PEDS1: variants seen among roughly 807,000 people sequenced by gnomAD.
The protein encoded by PEDS1 is plasmanylethanolamine desaturase 1, also known as CarF homolog.
Under a neutral mutation model 35.2 loss-of-function variants are expected in PEDS1, and 14 were observed. The ratio of observed to expected loss-of-function variants is 0.40; its 90% confidence interval spans 0.26 to 0.62. The LOEUF is 0.62. PEDS1 is among the 20% of genes least tolerant of loss of function. The pLI, the probability that PEDS1 is intolerant of heterozygous loss-of-function variation, is 0.44. For missense variants in PEDS1, 260 were observed against 367.8 expected (o/e 0.71, Z 2.40); for synonymous variants, 152 against 152.0 (o/e 1.00, Z 0.00).
rs745557328 is a variant in PEDS1, at chr20:50,128,624, C to G, written c.479-437G>C. ...TTGTGCATGTGATTTATCAAGGGAG[C>G]CTCTTCAGGAAAAAACCTCGAAGGG... On this transcript the variant is annotated intron_variant, in intron 4 of 5. Coordinates refer to ENST00000371652, the MANE Select transcript of PEDS1 (RefSeq NM_199129.4). This position sits in a 1 kb window ranked among gnomAD's most constrained non-coding sequence, Gnocchi z 5.2. Among the ~76,000 whole-genome samples, 2 of 152,082 alleles carry G rather than the reference C, an allele frequency of 1.3e-5. No individual in the cohort carries two copies. Among genetic ancestry groups the G allele is most frequent in the Non-Finnish European group, 2.9e-5 (2 of 68,016 alleles).
At position 50,141,295 on chromosome 20, in the gene PEDS1, C is replaced by T. The variant is rs561825924; in HGVS notation, c.241+2207G>A. ...TCTCAGATGGTGATGGGAACCTCCT[C>T]ACTAGGGTAGCACAAAGAGTGAAAA... On this transcript the variant is annotated intron_variant, in intron 2 of 5. Transcript: ENST00000371652. 2.0e-5 allele frequency among the ~76,000 whole-genome samples: 3 copies of T among 152,378 alleles called. No homozygotes were observed. The East Asian group carries it at 5.8e-4, about 29-fold the overall frequency.
chr20:50,150,335 T>A (rs377132469), intron 1 of PEDS1, among the ~76,000 whole-genome samples: 1 of 152,132 alleles, frequency 6.6e-6, no homozygotes, highest in South Asian at 2.1e-4. Flanking sequence ...CCCAGGAACT[T>A]CTTCTACTCT....
intron 2 of PEDS1, among the ~76,000 whole-genome samples, chr20:50,135,386 C>T (rs232745): frequency 6.6e-6 from 1 of 151,954 alleles, no homozygotes; most frequent in East Asian, 1.9e-4. Context: ...AGGCCGGGCA[C>T]GGTGGCTCAC....
intron 5 of PEDS1, among the ~76,000 whole-genome samples, chr20:50,126,097 T>C (rs1056225090): frequency 1.3e-5 from 2 of 152,194 alleles, no homozygotes; most frequent in African/African-American, 4.8e-5. Flanking sequence ...TTTCCTGTTC[T>C]GTGTTTGTTC....
chr20:50,130,297 C>G (rs1307449951), intron 3 of PEDS1, among the ~76,000 whole-genome samples: 1 of 152,168 alleles, frequency 6.6e-6, no homozygotes, highest in African/African-American at 2.4e-5. Flanking sequence ...AAGGACAGTT[C>G]TCTTTTCTTG....
chr20:50,132,919 G>C (rs2081194689), intron 2 of PEDS1, among the ~76,000 whole-genome samples: 1 of 152,180 alleles, frequency 6.6e-6, no homozygotes, highest in Non-Finnish European at 1.5e-5. Flanking sequence ...GGGAAACGCT[G>C]TAAAGTCCAG....
At position 50,129,835 on chromosome 20, in the gene PEDS1, T is replaced by C; in HGVS notation, c.334-145A>G. The C allele has an allele frequency of 7.4e-7, 1 of 1,353,946 alleles. No individual in the cohort carries two copies. Among genetic ancestry groups the C allele is most frequent in the Non-Finnish European group, 9.9e-7 (1 of 1,012,060 alleles). 83.9% of individuals were successfully genotyped at this position (1,353,946 alleles called of 1,614,324 possible). A position where few individuals can be genotyped will look rare whatever the true frequency, so the allele number is the denominator to read the frequency against. On this transcript the variant is annotated intron_variant, in intron 3 of 5. Coordinates refer to ENST00000371652, the MANE Select transcript of PEDS1 (RefSeq NM_199129.4). This position sits in a 1 kb window ranked among gnomAD's most constrained non-coding sequence, Gnocchi z 4.2. ...CCCGGGATGCTTGAACATTCCCACC[T>C]GGCCCACTGCCAGACACAGACCCCA...
At chr20:50,130,014 C>T (rs901265183) in intron 3 of PEDS1, among the ~76,000 whole-genome samples, 6 of 152,140 alleles carry the variant, frequency 3.9e-5, no homozygotes, top group Non-Finnish European at 8.8e-5. Context: ...GAGGAGGTCC[C>T]TCTAAGTAAA....
chr20:50,128,550 A>G lies in PEDS1; in HGVS notation c.479-363T>C, dbSNP rs146282366. ...TTAATTTCCCCATCAGGAAAATGGG[A>G]ATGATGCCTTCACCCAGGTTCCCTA... On this transcript the variant is annotated intron_variant, in intron 4 of 5. Coordinates refer to ENST00000371652, the MANE Select transcript of PEDS1 (RefSeq NM_199129.4). The surrounding 1 kb of genome is among the most constrained non-coding windows in gnomAD (Gnocchi z 5.2). Among the ~76,000 whole-genome samples the G allele has an allele frequency of 6.6e-6, 1 of 152,140 alleles. No homozygotes were observed. Among genetic ancestry groups the G allele is most frequent in the Non-Finnish European group, 1.5e-5 (1 of 68,026 alleles).
rs1003467762 is a variant in PEDS1 at position 50,119,209 on chromosome 20, T to G, written c.*5849A>C. 6.6e-6 allele frequency: 1 copy of G among 152,030 alleles called. No homozygotes were observed. Among genetic ancestry groups the G allele is most frequent in the Non-Finnish European group, 1.5e-5 (1 of 68,036 alleles). The allele number at this position is 152,030 out of a possible 1,614,324, so 9.4% of individuals were successfully genotyped here. On this transcript the variant is annotated 3_prime_UTR_variant, in exon 6 of 6. Transcript: ENST00000371652. ...AGTTTGGGAGTCTGAGGCAGGAGGATTGCTTGAGCACAGGAGTTTGAGACG... is the reference window on the plus strand; with the variant it reads ...AGTTTGGGAGTCTGAGGCAGGAGGAGTGCTTGAGCACAGGAGTTTGAGACG...
intron 5 of PEDS1, among the ~76,000 whole-genome samples, chr20:50,126,389 T>C (rs960594285): frequency 2.0e-5 from 3 of 152,162 alleles, no homozygotes; most frequent in South Asian, 2.1e-4. Flanking sequence ...ATCTCCTAAA[T>C]AGCCTGAATT....
intron 2 of PEDS1, among the ~76,000 whole-genome samples, chr20:50,137,332 C>T (rs1278016452): frequency 6.6e-6 from 1 of 152,188 alleles, no homozygotes. Flanking sequence ...TGAGCCACCG[C>T]ACCCAGCCGA....
intron 1 of PEDS1, among the ~76,000 whole-genome samples, chr20:50,150,908 C>A (rs1038072101): frequency 6.6e-6 from 1 of 152,088 alleles, no homozygotes; most frequent in Non-Finnish European, 1.5e-5. Flanking sequence ...GTTGGCCAGG[C>A]TGGTCTCGAA....
intron 1 of PEDS1, chr20:50,151,145 A>G: frequency 1.2e-6 from 1 of 850,104 alleles, no homozygotes; most frequent in Non-Finnish European, 1.7e-6. Context: ...CACAGTGAGC[A>G]GATAGAAGCA....
chr20:50,131,754 C>T (rs1485289296), intron 2 of PEDS1, among the ~76,000 whole-genome samples: 1 of 142,874 alleles, frequency 7.0e-6, no homozygotes, highest in Non-Finnish European at 1.5e-5. Flanking sequence ...TGTTCTCAAT[C>T]TGTTCGGAAC....
At chr20:50,146,960 G>C (rs1036606118) in intron 1 of PEDS1, among the ~76,000 whole-genome samples, 1 of 152,172 alleles carries the variant, frequency 6.6e-6, no homozygotes, top group African/African-American at 2.4e-5. Context: ...CCAAGGCCCA[G>C]GGCTCAGAAG....
chr20:50,122,934 TAA>T lies in PEDS1; in HGVS notation c.*2122_*2123del, dbSNP rs11416444. 108 of 143,820 alleles carry T rather than the reference TAA, an allele frequency of 7.5e-4. No individual in the cohort carries two copies. The highest frequency in any genetic ancestry group is 3.5e-3 in the Middle Eastern group (1 of 286). 8.9% of individuals were successfully genotyped at this position (143,820 alleles called of 1,614,324 possible). Reference sequence around the variant, plus strand: ...ACAACATAGTGAGACCCCATTTCTTTAAAAAAAAAAAAAAATAGCCAAGCCAG... The same window carrying T: ...ACAACATAGTGAGACCCCATTTCTTTAAAAAAAAAAAAATAGCCAAGCCAG... On this transcript the variant is annotated 3_prime_UTR_variant, in exon 6 of 6. Transcript: ENST00000371652.
rs2081045273 is a variant in PEDS1, at chr20:50,120,812, C to G, written c.*4246G>C. 6.6e-6 allele frequency: 1 copy of G among 152,186 alleles called. No homozygotes were observed. The highest frequency in any genetic ancestry group is 2.4e-5 in the African/African-American group (1 of 41,298). 9.4% of individuals were successfully genotyped at this position (152,186 alleles called of 1,614,324 possible). A position where few individuals can be genotyped will look rare whatever the true frequency, so the allele number is the denominator to read the frequency against. ...GCAGATCATGCCACTGTGTTCCAGCCTGGGTGACAGAGCAAGACCCCGTCT... is the reference window on the plus strand; with the variant it reads ...GCAGATCATGCCACTGTGTTCCAGCGTGGGTGACAGAGCAAGACCCCGTCT... On this transcript the variant is annotated 3_prime_UTR_variant, in exon 6 of 6. Coordinates refer to ENST00000371652, the MANE Select transcript of PEDS1 (RefSeq NM_199129.4).
intron 1 of PEDS1, among the ~76,000 whole-genome samples, chr20:50,148,166 T>C (rs138788654): frequency 1.5e-3 from 225 of 152,316 alleles, no homozygotes; most frequent in African/African-American, 5.2e-3. Flanking sequence ...GCTAAGATGA[T>C]CTCAGCACCC....
Sources: allele counts gnomAD v4.1 joint callset (sites outside exome capture counted in the v4.1 genomes callset), GRCh38; gene constraint gnomAD v4.1.1; non-coding constraint Gnocchi (gnomAD v3.1); transcripts MANE v1.5; gene names NCBI Gene and HGNC (gene_info 2026-07-23, HGNC 2026-07-21).